The following HSD17B7 variants were observed in gnomAD, a reference collection of about 807,000 sequenced individuals.
HSD17B7 encodes the protein 3-keto-steroid reductase/17-beta-hydroxysteroid dehydrogenase 7.
In HSD17B7, 17 loss-of-function variants were observed where a neutral mutation model predicts 34.1. The ratio of observed to expected loss-of-function variants is 0.50; its 90% CI spans 0.34 to 0.75. The LOEUF is 0.75. Among genes scored for constraint, HSD17B7 ranks in the 30% least tolerant of loss-of-function variants. The pLI is 0.01. For synonymous variants in HSD17B7, 122 were observed against 154.6 expected, an observed-to-expected ratio of 0.79 and a Z score of 1.56; for missense variants, 296 against 406.6, an observed-to-expected ratio of 0.73 and a Z score of 2.34.
At chr1:162,796,034 T>C (rs1648597252) in intron 2 of HSD17B7, among the ~76,000 whole-genome samples, 2 of 152,166 alleles carry the variant, frequency 1.3e-5, no homozygotes, top group Non-Finnish European at 2.9e-5. Flanking sequence ...TTAGGATACA[T>C]AGGACTTGTC....
At chr1:162,808,973 C>T (rs1383468873) in intron 8 of HSD17B7, among the ~76,000 whole-genome samples, 1 of 152,132 alleles carries the variant, frequency 6.6e-6, no homozygotes, top group East Asian at 1.9e-4. Flanking sequence ...TTTCTCCTGC[C>T]TGATTGCCCT....
At chr1:162,791,787 C>T (rs1471391883) in intron 1 of HSD17B7, among the ~76,000 whole-genome samples, 1 of 152,000 alleles carries the variant, frequency 6.6e-6, no homozygotes, top group African/African-American at 2.4e-5. Flanking sequence ...CTACTGTTCT[C>T]ATGTGAGGAC....
Position 162,795,327 on chromosome 1 carries a change from G to A in HSD17B7, c.240-1258G>A, listed in dbSNP as rs145398775. Among the ~76,000 whole-genome samples, 996 of 152,308 alleles carry A rather than the reference G, an allele frequency of 6.5e-3. 16 individuals are homozygous for A. Among genetic ancestry groups the A allele is most frequent in the African/African-American group, 0.022 (923 of 41,558 alleles). ...TGCAGATGAAAACTAGTAAGAAATA[G>A]TGATGCTGTTTTATCCATATTAGAG... On this transcript the variant is annotated intron_variant, in intron 2 of 8. Transcript: ENST00000254521.
chr1:162,810,457 C>T (rs1454001084), intron 8 of HSD17B7, among the ~76,000 whole-genome samples: 1 of 152,170 alleles, frequency 6.6e-6, no homozygotes, highest in Non-Finnish European at 1.5e-5. Flanking sequence ...CTGTAGATGT[C>T]TATTAGGTCT....
At position 162,797,863 on chromosome 1, in the gene HSD17B7, G is replaced by T; in HGVS notation, c.394G>T (p.Ala132Ser). 3 of 1,613,858 alleles carry T rather than the reference G, an allele frequency of 1.9e-6. No individual in the cohort carries two copies. The highest frequency in any genetic ancestry group is 2.5e-6 in the Non-Finnish European group (3 of 1,179,832). ...GLLTQGDKIT[A>S]DGLQEVFETN... is the part of the protein sequence containing the mutation. ...GCTGACCCAGGGTGATAAGATCACT[G>T]CTGATGGACTTCAGGAGGTGTTTGA... The change falls in exon 4 of 9, where the codon GCT becomes TCT. Residue 132 changes from alanine to serine, a missense_variant. Coordinates refer to ENST00000254521, the MANE Select transcript of HSD17B7 (RefSeq NM_016371.4).
At chr1:162,806,500 T>C (rs1648984944) in intron 8 of HSD17B7, among the ~76,000 whole-genome samples, 1 of 152,222 alleles carries the variant, frequency 6.6e-6, no homozygotes, top group South Asian at 2.1e-4. Flanking sequence ...TCATATTACA[T>C]TCCCCTCTTT....
intron 3 of HSD17B7, 37 bp downstream of exon 3, chr1:162,796,714 A>G: frequency 8.0e-7 from 1 of 1,242,648 alleles, no homozygotes; most frequent in Non-Finnish European, 1.2e-6. Context: ...ATTGGAAGGA[A>G]TGTGTTCATT....
At chr1:162,800,507 C>T (rs1648774025) in intron 5 of HSD17B7, among the ~76,000 whole-genome samples, 1 of 152,186 alleles carries the variant, frequency 6.6e-6, no homozygotes, top group Non-Finnish European at 1.5e-5. Flanking sequence ...TTAGGTAAGA[C>T]TCCAGAGCTC....
intron 4 of HSD17B7, chr1:162,799,494 T>C (rs571701998): frequency 1.2e-5 from 4 of 336,416 alleles, no homozygotes; most frequent in Admixed American, 8.6e-5. Context: ...TGCTTATTGC[T>C]GCTGAGATAT....
rs112221446 is a variant in HSD17B7, at chr1:162,801,122, G to A, written c.642+1185G>A. 4.6e-3 allele frequency among the ~76,000 whole-genome samples: 702 copies of A among 152,254 alleles called. 5 individuals are homozygous for A. Among genetic ancestry groups the A allele is most frequent in the African/African-American group, 0.016 (658 of 41,532 alleles). ...AGCTTCTCAAGTAGCTGGGATTACA[G>A]GGATGTGCCACCACACCCAATTTTT... On this transcript the variant is annotated intron_variant, in intron 5 of 8. Coordinates refer to ENST00000254521, the MANE Select transcript of HSD17B7 (RefSeq NM_016371.4).
chr1:162,808,968 C>G (rs1476575625), intron 8 of HSD17B7, among the ~76,000 whole-genome samples: 1 of 152,172 alleles, frequency 6.6e-6, no homozygotes, highest in Non-Finnish European at 1.5e-5. Context: ...ATTTCTTTCT[C>G]CTGCCTGATT....
chr1:162,794,774 G>A (rs4084040), intron 2 of HSD17B7, among the ~76,000 whole-genome samples: 37,357 of 151,870 alleles, frequency 0.25, 6,087 homozygotes, highest in African/African-American at 0.44. Flanking sequence ...ATCCCATTCC[G>A]ATGCAGTTTA....
intron 8 of HSD17B7, among the ~76,000 whole-genome samples, chr1:162,806,163 A>G (rs1648975574): frequency 1.3e-5 from 2 of 152,178 alleles, no homozygotes; most frequent in South Asian, 4.1e-4. Context: ...TTTTAAACTA[A>G]GAGAACTACT....
intron 2 of HSD17B7, among the ~76,000 whole-genome samples, chr1:162,793,246 G>A (rs1383708668): frequency 1.3e-5 from 2 of 152,116 alleles, no homozygotes; most frequent in Non-Finnish European, 2.9e-5. Context: ...TGTTGGTCAG[G>A]CTGGTTTCGA....
intron 5 of HSD17B7, 25 bp from the exon 6 acceptor site, chr1:162,803,406 C>G (rs1218168266): frequency 6.2e-7 from 1 of 1,607,652 alleles, no homozygotes. Flanking sequence ...GTTAAAGTCT[C>G]ATTGCTACAC....
intron 8 of HSD17B7, 109 bp downstream of exon 8, chr1:162,805,601 C>T (rs1449230127): frequency 1.3e-6 from 2 of 1,485,644 alleles, no homozygotes; most frequent in Non-Finnish European, 1.8e-6. Context: ...TGGGTACTCA[C>T]TGTTCACCAG....
At chr1:162,796,230 A>C (rs1478084612) in intron 2 of HSD17B7, among the ~76,000 whole-genome samples, 1 of 152,148 alleles carries the variant, frequency 6.6e-6, no homozygotes, top group Non-Finnish European at 1.5e-5. Flanking sequence ...AGTGGGTTTA[A>C]GAGATAGAGG....
At chr1:162,795,972 A>T (rs1648593895) in intron 2 of HSD17B7, among the ~76,000 whole-genome samples, 1 of 152,006 alleles carries the variant, frequency 6.6e-6, no homozygotes, top group African/African-American at 2.4e-5. Flanking sequence ...AGATTACCTT[A>T]CCCCCATTTA....
intron 2 of HSD17B7, among the ~76,000 whole-genome samples, chr1:162,793,218 A>G (rs1301263369): frequency 6.6e-6 from 1 of 152,012 alleles, no homozygotes; most frequent in Non-Finnish European, 1.5e-5. Context: ...TATTTTTAGT[A>G]GAGACGGGGT....
Sources: gnomAD v4.1 joint callset for allele counts (sites outside exome capture counted in the v4.1 genomes callset) on GRCh38, gnomAD v4.1.1 for gene constraint, MANE v1.5 for transcripts, NCBI Gene and HGNC (gene_info 2026-07-23, HGNC 2026-07-21) for gene names.